The following ACLY variants were observed in gnomAD, a reference collection of about 807,000 sequenced individuals.
The protein encoded by ACLY is ATP-citrate synthase.
ACLY carries 41 observed loss-of-function variants against 133.0 expected under a neutral mutation model. The ratio of observed to expected loss-of-function variants is 0.31; its 90% CI spans 0.24 to 0.40. The LOEUF (loss-of-function observed/expected upper bound fraction) is 0.40, where lower values mean the gene tolerates loss of function less well. Among genes scored for constraint, ACLY ranks in the 10% least tolerant of loss-of-function variants. The pLI, the probability that ACLY is intolerant of heterozygous loss-of-function variation, is 1.00. For synonymous variants in ACLY, 495 were observed against 549.3 expected, an observed-to-expected ratio of 0.90 and a Z score of 1.38; for missense variants, 1,046 against 1,453.8, an observed-to-expected ratio of 0.72 and a Z score of 4.56.
chr17:41,868,630 C>G, intron 28 of ACLY, 79 bp downstream of exon 28: 1 of 825,564 alleles, frequency 1.2e-6, no homozygotes, highest in Non-Finnish European at 1.8e-6. Context: ...GAAAAAGAAA[C>G]TCAACCCCAT....
rs782620563 is a variant in ACLY at position 41,878,760 on chromosome 17, G to C, written c.2393+37C>G. On this transcript the variant is annotated intron_variant, in intron 21 of 28. Transcript: ENST00000352035. ...GCTGTCTCAGGAGGGATTTGGAAAG[G>C]AGGGGGAGGCCGGCATCCTCCCCAA... 93 of 1,611,732 alleles carry C rather than the reference G, an allele frequency of 5.8e-5. No homozygotes were observed. The Admixed American group carries it at 1.5e-3, about 26-fold the overall frequency.
At chr17:41,887,130 A>AAAG in intron 17 of ACLY, among the ~76,000 whole-genome samples, 1 of 16,664 alleles carries the variant, frequency 6.0e-5, no homozygotes, top group Non-Finnish European at 2.3e-4. Flanking sequence ...TCTCAAAGAA[A>AAAG]AAAAAAAAAA....
chr17:41,882,141 G>A (rs929701642), intron 20 of ACLY, among the ~76,000 whole-genome samples: 1 of 151,874 alleles, frequency 6.6e-6, no homozygotes, highest in Non-Finnish European at 1.5e-5. Context: ...GGATGAGGCA[G>A]GCAGATCACA....
intron 17 of ACLY, among the ~76,000 whole-genome samples, chr17:41,886,704 G>A (rs1229012581): frequency 1.3e-5 from 2 of 151,606 alleles, no homozygotes; most frequent in African/African-American, 2.4e-5. Flanking sequence ...CTGAGGCAGG[G>A]AGATTGCTTG....
rs782451369 is a variant in ACLY, at chr17:41,868,765, A to G, written c.3155T>C (p.Ile1052Thr). 1.9e-6 allele frequency: 3 copies of G among 1,613,910 alleles called. No homozygotes were observed. Among genetic ancestry groups the G allele is most frequent in the Admixed American group, 3.3e-5 (2 of 59,964 alleles). ...GATGCCATTGAGGGCTCCAATGTCA[A>G]TATATTCATCAGCTTCCTCCCTGCA... The part of the protein sequence containing the change: ...SFTREEADEY[I>T]DIGALNGIFV... The change falls in exon 28 of 29, where the codon ATT becomes ACT. Residue 1052 changes from isoleucine (I) to threonine (T), a missense_variant. By Grantham distance (89) the Ile-to-Thr change is moderately conservative (BLOSUM62 -1). Transcript: ENST00000352035.
At chr17:41,898,366 G>A (rs1322765313) in intron 12 of ACLY, among the ~76,000 whole-genome samples, 2 of 152,192 alleles carry the variant, frequency 1.3e-5, no homozygotes, top group Non-Finnish European at 2.9e-5. Context: ...GCCAGCCTCG[G>A]CCTCCCAAAG....
At position 41,874,089 on chromosome 17, in the gene ACLY, C is replaced by T. The variant is rs530924991; in HGVS notation, c.2488-124G>A. On this transcript the variant is annotated intron_variant, in intron 22 of 28. Transcript: ENST00000352035. ...CAGGAATGTCGTAAACTCTGGCAGC[C>T]AAGTAACAACTCTCAAAGTTTTCCC... is the stretch of plus-strand genomic sequence containing the variant. The T allele has an allele frequency of 6.5e-4, 643 of 987,080 alleles. 1 individual carries two copies. The highest frequency in any genetic ancestry group is 8.5e-4 in the Non-Finnish European group (621 of 732,440). 61.1% of individuals were successfully genotyped at this position (987,080 alleles called of 1,614,324 possible). A position where few individuals can be genotyped will look rare whatever the true frequency, so the allele number is the denominator to read the frequency against.
rs898376463 is a variant in ACLY at position 41,908,867 on chromosome 17, T to C, written c.616+122A>G. On this transcript the variant is annotated intron_variant, in intron 6 of 28. Transcript: ENST00000352035. Reference sequence around the variant, plus strand: ...TAAACCTGCATGGGGACCCCTCTGCTTGTGCACATCTGTCTTGTGTTACCC... The same window carrying C: ...TAAACCTGCATGGGGACCCCTCTGCCTGTGCACATCTGTCTTGTGTTACCC... 9 of 788,086 alleles carry C rather than the reference T, an allele frequency of 1.1e-5. No individual in the cohort carries two copies. The African/African-American group carries it at 1.5e-4, about 13-fold the overall frequency. The allele number at this position is 788,086 out of a possible 1,614,324, so 48.8% of individuals were successfully genotyped here. A position where few individuals can be genotyped will look rare whatever the true frequency, so the allele number is the denominator to read the frequency against.
intron 16 of ACLY, among the ~76,000 whole-genome samples, chr17:41,890,837 CAAAAAAAAA>C (rs34510712): frequency 1.4e-5 from 1 of 73,188 alleles, no homozygotes; most frequent in Non-Finnish European, 2.3e-5. Flanking sequence ...CCCATCTGTA[CAAAAAAAAA>C]AAAAAAAAAA....
At chr17:41,925,913 T>C (rs1261399110) in intron 1 of ACLY, among the ~76,000 whole-genome samples, 1 of 151,796 alleles carries the variant, frequency 6.6e-6, no homozygotes, top group Non-Finnish European at 1.5e-5. Flanking sequence ...GGTGTGATCA[T>C]GGCTCACTGC....
At chr17:41,890,808 C>G (rs1180023846) in intron 16 of ACLY, among the ~76,000 whole-genome samples, 1 of 122,408 alleles carries the variant, frequency 8.2e-6, no homozygotes, top group Non-Finnish European at 1.6e-5. Context: ...CGAGACCAGT[C>G]TGGCCAACAT....
At chr17:41,914,680 TAAG>T (rs1409186993) in intron 1 of ACLY, among the ~76,000 whole-genome samples, 2 of 152,148 alleles carry the variant, frequency 1.3e-5, no homozygotes, top group Non-Finnish European at 2.9e-5. Context: ...CAAAACTCAC[TAAG>T]AAGAACAGAT....
Position 41,873,764 on chromosome 17 carries a change from T to C in ACLY, c.2642+47A>G, listed in dbSNP as rs782554718. 49 of 1,486,024 alleles carry C rather than the reference T, an allele frequency of 3.3e-5. No homozygotes were observed. In the East Asian group the frequency reaches 1.2e-3, roughly 36 times the overall value. 92.1% of individuals were successfully genotyped at this position (1,486,024 alleles called of 1,614,324 possible). On this transcript the variant is annotated intron_variant, in intron 23 of 28. Coordinates refer to ENST00000352035, the MANE Select transcript of ACLY (RefSeq NM_001096.3). ...CACCCCTTTGTTGGGGGAAAATCAT[T>C]AACTCTGAGCTGCAGGGCCCTGTAA...
intron 8 of ACLY, 130 bp from the exon 9 acceptor site, chr17:41,905,788 C>T: frequency 8.9e-7 from 1 of 1,129,800 alleles, no homozygotes; most frequent in Non-Finnish European, 1.3e-6. Flanking sequence ...CTTGGATCTC[C>T]AGCCCCCAAT....
intron 1 of ACLY, among the ~76,000 whole-genome samples, chr17:41,917,747 A>G (rs1238652612): frequency 2.0e-5 from 3 of 152,106 alleles, no homozygotes; most frequent in Non-Finnish European, 4.4e-5. Context: ...CGGCAGGCAT[A>G]GTGTCAGAAC....
At chr17:41,868,003 A>T in intron 28 of ACLY, 99 bp from the exon 29 acceptor site, 2 of 825,406 alleles carry the variant, frequency 2.4e-6, no homozygotes, top group Non-Finnish European at 3.8e-6. Context: ...CAAAAAAAGT[A>T]GACACAAAGC....
intron 14 of ACLY, 83 bp from the exon 15 acceptor site, chr17:41,893,257 C>T (rs1329917517): frequency 1.4e-6 from 2 of 1,456,860 alleles, no homozygotes; most frequent in Non-Finnish European, 1.9e-6. Flanking sequence ...TGACAGACCC[C>T]TCCACGCCCC....
intron 1 of ACLY, among the ~76,000 whole-genome samples, chr17:41,917,517 T>C (rs2050081568): frequency 6.6e-6 from 1 of 152,068 alleles, no homozygotes; most frequent in African/African-American, 2.4e-5. Context: ...GAAAGAAGCC[T>C]GTTCCCCAGA....
chr17:41,894,284 A>G (rs1157113146), intron 14 of ACLY, among the ~76,000 whole-genome samples: 1 of 149,348 alleles, frequency 6.7e-6, no homozygotes, highest in African/African-American at 2.5e-5. Flanking sequence ...GGAAACCAAC[A>G]CACAATCACT....
Sources: gnomAD v4.1 joint callset for allele counts (sites outside exome capture counted in the v4.1 genomes callset) on GRCh38, gnomAD v4.1.1 for gene constraint, MANE v1.5 for transcripts, NCBI Gene and HGNC (gene_info 2026-07-23, HGNC 2026-07-21) for gene names.